ADD3: variants seen among roughly 807,000 people sequenced by gnomAD.
The protein encoded by ADD3 is adducin 3.
A neutral mutation model predicts 80.2 loss-of-function variants in ADD3; 25 were observed. That is an observed-to-expected ratio of 0.31 (90% CI 0.23 to 0.44). ADD3 has a LOEUF of 0.44. ADD3 is among the 20% of genes least tolerant of loss of function. The pLI is 1.00. For synonymous variants in ADD3, 284 were observed against 289.6 expected (o/e 0.98, Z 0.20); for missense variants, 829 against 847.5 (o/e 0.98, Z 0.27).
At chr10:110,110,323 A>G (rs550437696) in intron 2 of ADD3, among the ~76,000 whole-genome samples, 1 of 152,242 alleles carries the variant, frequency 6.6e-6, no homozygotes, top group African/African-American at 2.4e-5. Flanking sequence ...ATCTGTATAT[A>G]TGTATGTGAG....
At chr10:110,093,837 G>T (rs980330989) in intron 1 of ADD3, among the ~76,000 whole-genome samples, 2 of 152,136 alleles carry the variant, frequency 1.3e-5, no homozygotes, top group African/African-American at 4.8e-5. Flanking sequence ...GTGTGTGTGT[G>T]TATGTATGAA....
rs1353879328 is a variant in ADD3, at chr10:110,134,657, A to G, written c.*1039A>G. The G allele has an allele frequency of 6.6e-6, 1 of 152,642 alleles. No individual in the cohort carries two copies. The highest frequency in any genetic ancestry group is 1.5e-5 in the Non-Finnish European group (1 of 68,026). The allele number at this position is 152,642 out of a possible 1,614,324, so 9.5% of individuals were successfully genotyped here. On this transcript the variant is annotated 3_prime_UTR_variant, in exon 15 of 15. Transcript: ENST00000356080. ...TAAGGGGACAAAAGATGGGATGTGA[A>G]AAGAAGAATTCTAGTTTGATGGTGA...
intron 2 of ADD3, among the ~76,000 whole-genome samples, chr10:110,111,642 G>A (rs1181047208): frequency 5.3e-5 from 8 of 152,170 alleles, no homozygotes; most frequent in Non-Finnish European, 4.4e-5. Context: ...TTAGCCGGGC[G>A]CGGTGGCTCA....
At chr10:110,090,377 G>A (rs972666234) in intron 1 of ADD3, among the ~76,000 whole-genome samples, 4 of 151,816 alleles carry the variant, frequency 2.6e-5, no homozygotes, top group African/African-American at 9.7e-5. Context: ...GTATCACCAC[G>A]CCCAGCTAAT....
chr10:110,010,088 ATTATGT>A (rs900825211), intron 1 of ADD3, among the ~76,000 whole-genome samples: 1 of 152,168 alleles, frequency 6.6e-6, no homozygotes, highest in Non-Finnish European at 1.5e-5. Flanking sequence ...ATTCTGCCTA[ATTATGT>A]TTAAAGTGTA....
chr10:110,132,423 T>C (rs1564677249), intron 14 of ADD3, 23 bp downstream of exon 14: 1 of 1,479,954 alleles, frequency 6.8e-7, no homozygotes, highest in Non-Finnish European at 9.4e-7. Flanking sequence ...ATTTCCCACA[T>C]AGCATTCACT....
At chr10:110,058,906 G>A (rs535905459) in intron 1 of ADD3, among the ~76,000 whole-genome samples, 243 of 152,250 alleles carry the variant, frequency 1.6e-3, no homozygotes, top group Non-Finnish European at 2.9e-3. Flanking sequence ...GGTTGCAAAA[G>A]TTTTCCCAGT....
chr10:109,998,782 C>T (rs980351324), intron 1 of ADD3, among the ~76,000 whole-genome samples: 2 of 152,170 alleles, frequency 1.3e-5, no homozygotes, highest in African/African-American at 2.4e-5. Flanking sequence ...CAGGTCTCAG[C>T]TCAAATGTCA....
At chr10:110,120,044 A>G (rs993345865) in intron 8 of ADD3, among the ~76,000 whole-genome samples, 11 of 151,678 alleles carry the variant, frequency 7.3e-5, no homozygotes, top group Middle Eastern at 3.4e-3. Flanking sequence ...TGTTGAATGT[A>G]TTTAAAGGCC....
chr10:110,113,424 C>G (rs186251254), intron 3 of ADD3, among the ~76,000 whole-genome samples: 5 of 152,048 alleles, frequency 3.3e-5, no homozygotes, highest in Non-Finnish European at 7.4e-5. Context: ...CGCGCCACCA[C>G]GCCTGGCTAA....
intron 1 of ADD3, among the ~76,000 whole-genome samples, chr10:110,100,163 A>T (rs1253410343): frequency 6.6e-6 from 1 of 152,188 alleles, no homozygotes; most frequent in Non-Finnish European, 1.5e-5. Flanking sequence ...CATGGTCAAT[A>T]TGGTGAAACC....
In ADD3 at chr10:110,126,080, T is replaced by G. The variant is rs999483311; in HGVS notation, c.1521+135T>G. ...ATTTGGAATTTAATTCAGTATAATT[T>G]TAGCTTATATTGAATGCCTCCAGCT... On this transcript the variant is annotated intron_variant, in intron 11 of 14. Coordinates refer to ENST00000356080, the MANE Select transcript of ADD3 (RefSeq NM_016824.5). The G allele has an allele frequency of 4.4e-6, 4 of 900,618 alleles. No individual in the cohort carries two copies. The African/African-American group carries it at 6.7e-5, about 15-fold the overall frequency. 55.8% of individuals were successfully genotyped at this position (900,618 alleles called of 1,614,324 possible).
chr10:110,096,256 A>G lies in ADD3; in HGVS notation c.-29-4369A>G, dbSNP rs117790661. ...CGTTAAGCATGTTTTCTAGTTTTCA[A>G]GTTAACACATTCTTGTTAGTTTGTG... On this transcript the variant is annotated intron_variant, in intron 1 of 14. Transcript: ENST00000356080. Among the ~76,000 whole-genome samples the G allele has an allele frequency of 1.1e-3, 172 of 152,300 alleles. 1 individual carries two copies. In the East Asian group the frequency reaches 0.029, roughly 26 times the overall value.
At chr10:110,058,553 T>C (rs375666788) in intron 1 of ADD3, among the ~76,000 whole-genome samples, 1 of 152,218 alleles carries the variant, frequency 6.6e-6, no homozygotes, top group South Asian at 2.1e-4. Flanking sequence ...TTGTGAGGAC[T>C]GTGGCAACAG....
intron 1 of ADD3, among the ~76,000 whole-genome samples, chr10:110,063,164 T>TA (rs1434399301): frequency 1.4e-4 from 21 of 152,202 alleles, no homozygotes; most frequent in African/African-American, 5.1e-4. Flanking sequence ...TAATGTTTCT[T>TA]ATCACTGAAA....
intron 8 of ADD3, among the ~76,000 whole-genome samples, chr10:110,120,623 G>A (rs1012708891): frequency 2.6e-5 from 4 of 152,022 alleles, no homozygotes; most frequent in African/African-American, 4.8e-5. Flanking sequence ...GGTATTTCTA[G>A]TTCAAGATCC....
chr10:110,096,221 G>T (rs1848134135), intron 1 of ADD3, among the ~76,000 whole-genome samples: 1 of 152,294 alleles, frequency 6.6e-6, no homozygotes, highest in South Asian at 2.1e-4. Context: ...ATCTTAGTGA[G>T]CTCCACATTC....
intron 1 of ADD3, among the ~76,000 whole-genome samples, chr10:110,036,125 T>C (rs1855611745): frequency 6.6e-6 from 1 of 152,056 alleles, no homozygotes; most frequent in South Asian, 2.1e-4. Context: ...CACTCCAGCG[T>C]GGGCAACAGA....
At chr10:110,046,615 G>A (rs531521417) in intron 1 of ADD3, among the ~76,000 whole-genome samples, 26 of 152,256 alleles carry the variant, frequency 1.7e-4, no homozygotes, top group East Asian at 1.9e-4. Flanking sequence ...CAAGAGCCAA[G>A]GGTATTCAAA....
Sources: gnomAD v4.1 joint callset for allele counts (sites outside exome capture counted in the v4.1 genomes callset) on GRCh38, gnomAD v4.1.1 for gene constraint, MANE v1.5 for transcripts, NCBI Gene and HGNC (gene_info 2026-07-23, HGNC 2026-07-21) for gene names.